Variants in DHX30 observed in about 807,000 individuals in gnomAD.
DHX30 encodes the protein DExH-box helicase 30.
In DHX30, 4 loss-of-function variants were observed where a neutral mutation model predicts 116.9. That is an observed-to-expected ratio of 0.03 (90% CI 0.02 to 0.08). The LOEUF is 0.08. Ranked by LOEUF, DHX30 falls within the 10% of genes least tolerant of loss-of-function variation. DHX30 has a pLI of 1.00. For missense variants in DHX30, 871 were observed against 1,595.1 expected (o/e 0.55, Z 7.73); for synonymous variants, 697 against 651.7 (o/e 1.07, Z -1.06).
At chr3:47,805,470 T>C in intron 2 of DHX30, 50 bp downstream of exon 2, 1 of 398,940 alleles carries the variant, frequency 2.5e-6, no homozygotes, top group Non-Finnish European at 4.4e-6. Flanking sequence ...GATGCTCAGC[T>C]GTACTGTAAA....
At chr3:47,825,464 A>G (rs1041423980) in intron 4 of DHX30, among the ~76,000 whole-genome samples, 1 of 152,214 alleles carries the variant, frequency 6.6e-6, no homozygotes, top group East Asian at 1.9e-4. Context: ...CCCGGCAAGA[A>G]TAGGTGAGAG....
chr3:47,807,717 A>AG (rs1402056210), intron 2 of DHX30, among the ~76,000 whole-genome samples: 1 of 150,988 alleles, frequency 6.6e-6, no homozygotes, highest in African/African-American at 2.4e-5. Flanking sequence ...AAAAAAAAAA[A>AG]AAAAAAAAAA....
chr3:47,831,871 C>T (rs1351912690), intron 6 of DHX30, among the ~76,000 whole-genome samples: 1 of 146,286 alleles, frequency 6.8e-6, no homozygotes, highest in Admixed American at 6.9e-5. Context: ...ACTCTAAATA[C>T]TTTTCCTTGT....
At chr3:47,807,818 A>T (rs1459690680) in intron 2 of DHX30, among the ~76,000 whole-genome samples, 1 of 150,780 alleles carries the variant, frequency 6.6e-6, no homozygotes, top group East Asian at 1.9e-4. Flanking sequence ...CTGGTCTTGA[A>T]CTCCTGGCCT....
chr3:47,820,543 T>A (rs1201098423), intron 4 of DHX30, among the ~76,000 whole-genome samples: 2 of 152,134 alleles, frequency 1.3e-5, no homozygotes, highest in African/African-American at 4.8e-5. Flanking sequence ...GTGTTGGTGG[T>A]CCCTTCCACT....
chr3:47,806,809 G>T (rs7626175), intron 2 of DHX30, among the ~76,000 whole-genome samples: 151,270 of 151,782 alleles, frequency 1, 75,384 homozygotes, highest in Middle Eastern at 1. Context: ...GCCAGAATGG[G>T]CTCGAACTCC....
intron 6 of DHX30, among the ~76,000 whole-genome samples, chr3:47,836,501 CTA>C (rs1344494096): frequency 1.3e-5 from 2 of 151,854 alleles, no homozygotes; most frequent in African/African-American, 4.8e-5. Context: ...TCTTCCCCAT[CTA>C]TGTGTATAGT....
chr3:47,843,172 T>C lies in DHX30; in HGVS notation c.856T>C (p.Cys286Arg). The change falls in exon 9 of 22, where the codon TGC (cysteine) becomes CGC (arginine). Residue 286 changes from cysteine (C) to arginine (R), a missense_variant. Around this residue, in one of 13 missense-constraint regions of DHX30, gnomAD observed 175 missense variants for 292.9 expected, o/e 0.60. Transcript: ENST00000445061. ...KLSTLTLLWPCPMTFVAKGRR... is the reference protein window; with the variant it reads ...KLSTLTLLWPRPMTFVAKGRR... The stretch of plus-strand genomic sequence containing the variant: ...GTCTACACTCACCCTGCTCTGGCCC[T>C]GCCCCATGACCTTTGTTGCCAAAGG... The C allele has an allele frequency of 1.9e-6, 3 of 1,614,280 alleles. No homozygotes were observed. Among genetic ancestry groups the C allele is most frequent in the Non-Finnish European group, 1.7e-6 (2 of 1,180,042 alleles).
At chr3:47,816,924 A>T (rs1488290608) in intron 3 of DHX30, 2 of 985,156 alleles carry the variant, frequency 2.0e-6, no homozygotes, top group East Asian at 2.3e-4. Flanking sequence ...TAATAAAAAA[A>T]AAAATAGCTG....
In DHX30 at chr3:47,841,024, A is replaced by C; in HGVS notation, c.514A>C (p.Ser172Arg). 6.2e-7 allele frequency: 1 copy of C among 1,614,110 alleles called. No homozygotes were observed. The highest frequency in any genetic ancestry group is 1.1e-5 in the South Asian group (1 of 91,074). Residue 172 changes from serine (S) to arginine (R), a missense_variant, in exon 7 of 22, where the codon AGT becomes CGT. Coordinates refer to ENST00000445061, the MANE Select transcript of DHX30 (RefSeq NM_138615.3). The part of the protein sequence containing the change: ...PTSWRQLNPE[S>R]IRPGGPGGLS... Reference sequence around the variant, plus strand: ...TTCCTGGCGGCAGCTGAATCCAGAGAGTATTCGACCAGGGGGACCTGGGGG... The same window carrying C: ...TTCCTGGCGGCAGCTGAATCCAGAGCGTATTCGACCAGGGGGACCTGGGGG...
At chr3:47,835,582 G>A (rs1003903696) in intron 6 of DHX30, among the ~76,000 whole-genome samples, 1 of 151,238 alleles carries the variant, frequency 6.6e-6, no homozygotes, top group African/African-American at 2.4e-5. Context: ...TGGGATTACA[G>A]GTGTAAGCCA....
chr3:47,840,383 G>A (rs1408927484), intron 6 of DHX30, among the ~76,000 whole-genome samples: 1 of 151,590 alleles, frequency 6.6e-6, no homozygotes, highest in Non-Finnish European at 1.5e-5. Context: ...GGTGGCTCAT[G>A]TCTGTAATCC....
Position 47,810,662 on chromosome 3 carries a change from C to T in DHX30, c.-22C>T. On this transcript the variant is annotated 5_prime_UTR_variant, in exon 3 of 22. Transcript: ENST00000445061. Reference sequence around the variant, plus strand: ...TTGGCCCTCCTTGTTCTCAGGATTCCAGCTTTCCCTCCTGGCCAGAAATGT... The same window carrying T: ...TTGGCCCTCCTTGTTCTCAGGATTCTAGCTTTCCCTCCTGGCCAGAAATGT... The T allele has an allele frequency of 6.2e-7, 1 of 1,613,936 alleles. No homozygotes were observed. Among genetic ancestry groups the T allele is most frequent in the South Asian group, 1.1e-5 (1 of 91,072 alleles).
intron 2 of DHX30, among the ~76,000 whole-genome samples, chr3:47,808,145 G>C (rs538910630): frequency 6.6e-5 from 10 of 151,646 alleles, no homozygotes; most frequent in African/African-American, 2.2e-4. Flanking sequence ...CCCGACCTCA[G>C]GTGATCTGCT....
chr3:47,809,970 T>G (rs2035719018), intron 2 of DHX30, among the ~76,000 whole-genome samples: 1 of 152,314 alleles, frequency 6.6e-6, no homozygotes, highest in Non-Finnish European at 1.5e-5. Flanking sequence ...TTTCTTGTCA[T>G]CTCTAAGTAT....
At chr3:47,842,861 T>C (rs926747422) in intron 8 of DHX30, among the ~76,000 whole-genome samples, 5 of 152,232 alleles carry the variant, frequency 3.3e-5, no homozygotes, top group Non-Finnish European at 7.3e-5. Context: ...GGTGATGGCA[T>C]TGCCCAAGCA....
chr3:47,833,609 C>T (rs527280551), intron 6 of DHX30, among the ~76,000 whole-genome samples: 2 of 150,922 alleles, frequency 1.3e-5, no homozygotes, highest in East Asian at 3.9e-4. Flanking sequence ...CCTGTAATCT[C>T]AGCACTTTGG....
Position 47,847,101 on chromosome 3 carries a change from C to T in DHX30, c.1929+100C>T. The stretch of plus-strand genomic sequence containing the variant: ...CTTGGTGCCTGGGGCAAGTTACCCT[C>T]CCCAGTCCTCGGTTTCCTTGATAGA... On this transcript the variant is annotated intron_variant, in intron 11 of 21. Transcript: ENST00000445061. The surrounding 1 kb of genome is among the most constrained non-coding windows in gnomAD (Gnocchi z 5.5). 2 of 1,502,690 alleles carry T rather than the reference C, an allele frequency of 1.3e-6. No homozygotes were observed. Among genetic ancestry groups the T allele is most frequent in the East Asian group, 2.3e-5 (1 of 43,954 alleles). The allele number at this position is 1,502,690 out of a possible 1,614,324, so 93.1% of individuals were successfully genotyped here.
rs761128626 is a variant in DHX30, at chr3:47,847,471, A to G, written c.2045A>G (p.Lys682Arg). The change falls in exon 13 of 22, where the codon AAA becomes AGA. Residue 682 changes from lysine to arginine, a missense_variant. Around this residue, in one of 13 missense-constraint regions of DHX30, gnomAD observed 49 missense variants for 60.9 expected, o/e 0.80. Transcript: ENST00000445061. This position sits in a 1 kb window ranked among gnomAD's most constrained non-coding sequence, Gnocchi z 5.5. ...TTCCTGCCTGGGTGGCAGGAGATCA[A>G]AGGAGTGCAGCAGCGCCTCCAGGAG... is the stretch of plus-strand genomic sequence containing the variant. ...LCFLPGWQEI[K>R]GVQQRLQEAL... is the part of the protein sequence containing the mutation. 48 of 1,613,254 alleles carry G rather than the reference A, an allele frequency of 3.0e-5. No homozygotes were observed. Among genetic ancestry groups the G allele is most frequent in the Non-Finnish European group, 3.9e-5 (46 of 1,179,514 alleles).
Sources: gnomAD v4.1 joint callset for allele counts (sites outside exome capture counted in the v4.1 genomes callset) on GRCh38, gnomAD v4.1.1 for gene constraint, gnomAD v4.1.1 regional missense constraint, Gnocchi (gnomAD v3.1) non-coding constraint, MANE v1.5 for transcripts, NCBI Gene and HGNC (gene_info 2026-07-23, HGNC 2026-07-21) for gene names.